Variants in MRTFA observed in about 807,000 individuals in gnomAD.
MRTFA encodes myocardin-related transcription factor A.
MRTFA carries 20 observed loss-of-function variants against 83.5 expected under a neutral mutation model. The observed-to-expected ratio is 0.24, with a 90% CI of 0.17 to 0.35. The LOEUF is 0.35. MRTFA is among the 10% of genes least tolerant of loss of function. MRTFA has a pLI of 1.00. For synonymous variants in MRTFA, 659 were observed against 541.2 expected (o/e 1.22, Z -3.02); for missense variants, 1,200 against 1,224.7 (o/e 0.98, Z 0.30).
chr22:40,412,069 A>T, intron 14 of MRTFA, 162 bp from the exon 15 acceptor site: 1 of 501,496 alleles, frequency 2.0e-6, no homozygotes, highest in Non-Finnish European at 3.2e-6. Context: ...ACTCTTTAAA[A>T]ATATTTGCAA....
At chr22:40,631,256 T>C (rs1370572209) in intron 1 of MRTFA, among the ~76,000 whole-genome samples, 2 of 152,182 alleles carry the variant, frequency 1.3e-5, no homozygotes, top group Non-Finnish European at 2.9e-5. Flanking sequence ...TCTATATTCA[T>C]TCATCTCTCT....
chr22:40,500,008 C>T (rs1366529694), intron 3 of MRTFA, among the ~76,000 whole-genome samples: 3 of 149,600 alleles, frequency 2.0e-5, no homozygotes, highest in Non-Finnish European at 4.4e-5. Flanking sequence ...CGGCTCACCG[C>T]AACGTCCGCC....
chr22:40,572,348 A>G (rs902177765), intron 2 of MRTFA, among the ~76,000 whole-genome samples: 1 of 152,218 alleles, frequency 6.6e-6, no homozygotes, highest in African/African-American at 2.4e-5. Context: ...AGAGGTGCAC[A>G]TCTATAGTCC....
chr22:40,453,191 A>G (rs1316493215), intron 4 of MRTFA, among the ~76,000 whole-genome samples: 1 of 152,236 alleles, frequency 6.6e-6, no homozygotes, highest in African/African-American at 2.4e-5. Context: ...AACATGTTTC[A>G]CTGTGATGTT....
At chr22:40,486,373 G>C (rs1235830199) in intron 3 of MRTFA, among the ~76,000 whole-genome samples, 1 of 152,216 alleles carries the variant, frequency 6.6e-6, no homozygotes. Flanking sequence ...ACCAAGCTCG[G>C]TTGAACATTT....
chr22:40,437,003 G>A (rs1602239932), intron 4 of MRTFA, among the ~76,000 whole-genome samples: 1 of 152,034 alleles, frequency 6.6e-6, no homozygotes, highest in Non-Finnish European at 1.5e-5. Flanking sequence ...TTGTCCCAGT[G>A]GTATTTATTT....
chr22:40,540,630 A>G (rs1159089144), intron 3 of MRTFA, among the ~76,000 whole-genome samples: 1 of 152,062 alleles, frequency 6.6e-6, no homozygotes, highest in Admixed American at 6.6e-5. Context: ...AAATACAAAA[A>G]TTAGCCAGGC....
chr22:40,617,366 A>G (rs2147425712), intron 1 of MRTFA, among the ~76,000 whole-genome samples: 1 of 152,296 alleles, frequency 6.6e-6, no homozygotes, highest in East Asian at 1.9e-4. Flanking sequence ...TCTTGAGAAA[A>G]TCTCACAAAC....
chr22:40,616,422 TAGAG>T (rs1569354150), intron 1 of MRTFA, among the ~76,000 whole-genome samples: 2 of 152,184 alleles, frequency 1.3e-5, no homozygotes, highest in Non-Finnish European at 2.9e-5. Flanking sequence ...TGAAGGGAGT[TAGAG>T]AGAATGACGG....
At chr22:40,597,907 A>G (rs373117744) in intron 1 of MRTFA, among the ~76,000 whole-genome samples, 1 of 152,358 alleles carries the variant, frequency 6.6e-6, no homozygotes, top group African/African-American at 2.4e-5. Flanking sequence ...TAGTTTGTCC[A>G]CATATTAATC....
chr22:40,518,185 A>C (rs2054793004), intron 3 of MRTFA, among the ~76,000 whole-genome samples: 1 of 152,106 alleles, frequency 6.6e-6, no homozygotes, highest in Admixed American at 6.5e-5. Flanking sequence ...CTAGCAAATG[A>C]TCCAACCTGA....
intron 1 of MRTFA, among the ~76,000 whole-genome samples, chr22:40,621,996 T>G (rs569209320): frequency 3.3e-4 from 51 of 152,282 alleles, no homozygotes; most frequent in Non-Finnish European, 5.7e-4. Flanking sequence ...GAGTTGATGT[T>G]GCAATGGGTT....
intron 4 of MRTFA, among the ~76,000 whole-genome samples, chr22:40,445,709 C>A (rs979659270): frequency 6.6e-6 from 1 of 152,036 alleles, no homozygotes; most frequent in Non-Finnish European, 1.5e-5. Context: ...CCACCATGCC[C>A]GGCTAATTTT....
intron 9 of MRTFA, among the ~76,000 whole-genome samples, chr22:40,421,702 A>ATC (rs1243485963): frequency 6.6e-6 from 1 of 152,042 alleles, no homozygotes; most frequent in Non-Finnish European, 1.5e-5. Context: ...GAAGACCCAA[A>ATC]CTGACCAATA....
chr22:40,457,029 G>T (rs560983013), intron 4 of MRTFA, among the ~76,000 whole-genome samples: 1 of 152,292 alleles, frequency 6.6e-6, no homozygotes, highest in South Asian at 2.1e-4. Flanking sequence ...GAAGAATAAT[G>T]TAAGTTAACG....
rs1336125176 is a variant in MRTFA at position 40,416,329 on chromosome 22, C to A, written c.2578+657G>T. 6.6e-6 allele frequency among the ~76,000 whole-genome samples: 1 copy of A among 152,260 alleles called. No individual in the cohort carries two copies. Among genetic ancestry groups the A allele is most frequent in the African/African-American group, 2.4e-5 (1 of 41,464 alleles). On this transcript the variant is annotated intron_variant, in intron 14 of 14. Transcript: ENST00000355630. The surrounding 1 kb of genome is among the most constrained non-coding windows in gnomAD (Gnocchi z 4.2). ...CTGGGCCAAAGCCCAGCTCTCCAGTCGCCCCCCAACCTGGGGCTCCCTGCT... is the reference window on the plus strand; with the variant it reads ...CTGGGCCAAAGCCCAGCTCTCCAGTAGCCCCCCAACCTGGGGCTCCCTGCT...
At chr22:40,599,208 G>A (rs2056229131) in intron 1 of MRTFA, among the ~76,000 whole-genome samples, 1 of 151,768 alleles carries the variant, frequency 6.6e-6, no homozygotes. Context: ...TGAGGCAGGA[G>A]AATCGCTTGA....
At chr22:40,515,596 G>C (rs1280563191) in intron 3 of MRTFA, among the ~76,000 whole-genome samples, 1 of 152,076 alleles carries the variant, frequency 6.6e-6, no homozygotes, top group Non-Finnish European at 1.5e-5. Flanking sequence ...GGGTGGCTGG[G>C]GCACGAGAAT....
intron 4 of MRTFA, among the ~76,000 whole-genome samples, chr22:40,462,933 T>G (rs903399833): frequency 1.8e-4 from 27 of 152,352 alleles, no homozygotes; most frequent in African/African-American, 5.8e-4. Context: ...GTGAAAACTC[T>G]TTTAAAGGTG....
Sources: allele counts gnomAD v4.1 joint callset (sites outside exome capture counted in the v4.1 genomes callset), GRCh38; gene constraint gnomAD v4.1.1; non-coding constraint Gnocchi (gnomAD v3.1); transcripts MANE v1.5; gene names NCBI Gene and HGNC (gene_info 2026-07-23, HGNC 2026-07-21).